EPHA6: variants seen among roughly 807,000 people sequenced by gnomAD.
EPHA6 encodes ephrin type-A receptor 6.
In EPHA6, 50 loss-of-function variants were observed where a neutral mutation model predicts 112.0. The ratio of observed to expected loss-of-function variants is 0.45; its 90% confidence interval spans 0.36 to 0.56. EPHA6 has a LOEUF of 0.56. Among genes scored for constraint, EPHA6 ranks in the 20% least tolerant of loss-of-function variants. The pLI is 0.00. For missense variants in EPHA6, 1,280 were observed against 1,417.4 expected (o/e 0.90, Z 1.56); for synonymous variants, 529 against 490.7 (o/e 1.08, Z -1.03).
intron 3 of EPHA6, among the ~76,000 whole-genome samples, chr3:97,188,657 G>C (rs1486849380): frequency 6.6e-6 from 1 of 150,752 alleles, no homozygotes; most frequent in Non-Finnish European, 1.5e-5. Flanking sequence ...CTTAAATAAA[G>C]AATAAGTTAT....
intron 14 of EPHA6, among the ~76,000 whole-genome samples, chr3:97,673,780 G>A (rs1040287629): frequency 2.6e-5 from 4 of 152,218 alleles, no homozygotes; most frequent in Admixed American, 2.6e-4. Flanking sequence ...GAGGACTCAT[G>A]CCCCAGTATA....
intron 13 of EPHA6, among the ~76,000 whole-genome samples, chr3:97,636,417 A>G (rs1258868063): frequency 6.6e-6 from 1 of 152,068 alleles, no homozygotes; most frequent in African/African-American, 2.4e-5. Context: ...AGAGCTAATA[A>G]CATCAAAGAT....
intron 13 of EPHA6, among the ~76,000 whole-genome samples, chr3:97,633,784 G>A (rs1160933329): frequency 6.6e-6 from 1 of 152,076 alleles, no homozygotes; most frequent in Non-Finnish European, 1.5e-5. Flanking sequence ...ACTTGAGGAG[G>A]CTATGTTGAG....
chr3:97,562,536 G>T (rs1194662156), intron 11 of EPHA6, among the ~76,000 whole-genome samples: 3 of 152,166 alleles, frequency 2.0e-5, no homozygotes, highest in Admixed American at 6.6e-5. Context: ...TGGACAAGGA[G>T]TTACTTCTAT....
At chr3:97,617,857 T>C (rs893339527) in intron 13 of EPHA6, among the ~76,000 whole-genome samples, 3 of 152,106 alleles carry the variant, frequency 2.0e-5, no homozygotes, top group African/African-American at 7.2e-5. Context: ...CCACTGTGAA[T>C]ATTAGACAGA....
chr3:96,869,991 A>G (rs2036545948), intron 2 of EPHA6, among the ~76,000 whole-genome samples: 1 of 152,112 alleles, frequency 6.6e-6, no homozygotes, highest in African/African-American at 2.4e-5. Context: ...CAGCAATGCA[A>G]TATAGTACAA....
At chr3:97,520,510 T>C (rs551830786) in intron 10 of EPHA6, among the ~76,000 whole-genome samples, 1 of 152,348 alleles carries the variant, frequency 6.6e-6, no homozygotes, top group Non-Finnish European at 1.5e-5. Flanking sequence ...TAGTTTTATG[T>C]TTCAGAACTT....
In EPHA6 at chr3:97,520,389, G is replaced by T. The variant is rs546472978; in HGVS notation, c.2201-11969G>T. On this transcript the variant is annotated intron_variant, in intron 10 of 17. Transcript: ENST00000389672. The stretch of plus-strand genomic sequence containing the variant: ...AGACCTTCCTTAACTATTGCTTCTA[G>T]GGCCCGTGTAATAGTAATTAATTCC... 4.6e-5 allele frequency among the ~76,000 whole-genome samples: 7 copies of T among 152,104 alleles called. No individual in the cohort carries two copies. The South Asian group carries it at 1.5e-3, about 32-fold the overall frequency.
chr3:97,686,522 C>T (rs180903046), intron 14 of EPHA6, among the ~76,000 whole-genome samples: 2 of 152,308 alleles, frequency 1.3e-5, no homozygotes, highest in African/African-American at 4.8e-5. Flanking sequence ...GAAATTCAAA[C>T]TCTACATATA....
chr3:96,898,805 G>A (rs1009218889), intron 2 of EPHA6, among the ~76,000 whole-genome samples: 19 of 151,788 alleles, frequency 1.3e-4, no homozygotes, highest in Admixed American at 1.1e-3. Context: ...CGAGACGGGC[G>A]GATCACGAGG....
intron 4 of EPHA6, among the ~76,000 whole-genome samples, chr3:97,240,414 C>G (rs2078809913): frequency 6.6e-6 from 1 of 151,822 alleles, no homozygotes; most frequent in African/African-American, 2.4e-5. Flanking sequence ...AACTTAAGAA[C>G]TGATTAAATA....
intron 10 of EPHA6, among the ~76,000 whole-genome samples, chr3:97,499,753 C>G (rs2092070162): frequency 1.3e-5 from 2 of 152,042 alleles, no homozygotes; most frequent in African/African-American, 2.4e-5. Context: ...AGTGCCCTAC[C>G]TGTGTAGGGC....
At chr3:96,833,212 A>T (rs2034196856) in intron 1 of EPHA6, among the ~76,000 whole-genome samples, 1 of 149,102 alleles carries the variant, frequency 6.7e-6, no homozygotes, top group South Asian at 2.2e-4. Flanking sequence ...TGGTGTCTTT[A>T]TAAAAGGGGA....
intron 10 of EPHA6, among the ~76,000 whole-genome samples, chr3:97,501,667 C>T (rs1165653647): frequency 6.6e-6 from 1 of 151,848 alleles, no homozygotes; most frequent in African/African-American, 2.4e-5. Context: ...TTAAAACTTA[C>T]AGGGCACAAC....
chr3:97,745,880 C>G (rs1166597079), intron 16 of EPHA6, among the ~76,000 whole-genome samples: 1 of 151,618 alleles, frequency 6.6e-6, no homozygotes, highest in East Asian at 1.9e-4. Context: ...AAGTATTAAC[C>G]TTAGGACCTA....
intron 2 of EPHA6, among the ~76,000 whole-genome samples, chr3:96,875,341 A>G (rs926650979): frequency 1.3e-5 from 2 of 152,092 alleles, no homozygotes; most frequent in African/African-American, 4.8e-5. Flanking sequence ...ATAGTTTATT[A>G]TAGAGTCCCT....
chr3:97,666,124 C>T (rs1172955458), intron 14 of EPHA6, among the ~76,000 whole-genome samples: 1 of 151,660 alleles, frequency 6.6e-6, no homozygotes, highest in Non-Finnish European at 1.5e-5. Context: ...GAATTTTGTC[C>T]AAATTCAGCC....
chr3:97,580,394 G>A (rs1434768090), intron 11 of EPHA6, among the ~76,000 whole-genome samples: 12 of 152,218 alleles, frequency 7.9e-5, no homozygotes. Flanking sequence ...TGATACAGGG[G>A]TCTGAAATTG....
chr3:97,489,701 A>C (rs2091789802), intron 10 of EPHA6, among the ~76,000 whole-genome samples: 3 of 151,326 alleles, frequency 2.0e-5, no homozygotes, highest in Non-Finnish European at 3.0e-5. Flanking sequence ...AAAAAAAAAA[A>C]GAAACTCAAA....
Sources: allele counts gnomAD v4.1 joint callset (sites outside exome capture counted in the v4.1 genomes callset), GRCh38; gene constraint gnomAD v4.1.1; transcripts MANE v1.5; gene names NCBI Gene and HGNC (gene_info 2026-07-23, HGNC 2026-07-21).